Variants in WNK1 observed in about 807,000 individuals in gnomAD.
WNK1 encodes WNK lysine deficient protein kinase 1.
In WNK1, 38 loss-of-function variants were observed where a neutral mutation model predicts 222.8. That is an observed-to-expected ratio of 0.17 (90% CI 0.13 to 0.22). The LOEUF (loss-of-function observed/expected upper bound fraction) is 0.22. Ranked by LOEUF, WNK1 falls within the 10% of genes least tolerant of loss-of-function variation. The probability of loss-of-function intolerance (pLI) is 1.00; values close to 1 mark genes in which losing one functional copy is unlikely to be tolerated. For missense variants in WNK1, 2,348 were observed against 2,918.4 expected (o/e 0.80, Z 4.50); for synonymous variants, 1,090 against 1,092.9 (o/e 1.00, Z 0.05).
At chr12:793,298 T>C (rs1945013896) in intron 1 of WNK1, among the ~76,000 whole-genome samples, 1 of 152,166 alleles carries the variant, frequency 6.6e-6, no homozygotes. Context: ...GGAAGAACTT[T>C]ATAAAGTAGA....
chr12:848,298 A>G (rs537622702), intron 4 of WNK1, among the ~76,000 whole-genome samples: 33 of 152,292 alleles, frequency 2.2e-4, no homozygotes, highest in Non-Finnish European at 4.0e-4. Flanking sequence ...GTTAAATGTC[A>G]GATGCTTAAA....
At position 900,642 on chromosome 12, in the gene WNK1, A is replaced by G. The variant is rs774087446; in HGVS notation, c.6615A>G (p.Ser2205=). Residue 2205 remains serine (S), a synonymous_variant, in exon 26 of 28, where the codon TCA becomes TCG. Coordinates refer to ENST00000315939, the MANE Select transcript of WNK1 (RefSeq NM_018979.4). ...CCTTCACCAGTGATGGTGCCATTTC[A>G]GTACCAAGCCTTTCTGCTCCAGGTC... ...YSAFTSDGAI[S]VPSLSAPGQG... The G allele has an allele frequency of 1.9e-6, 3 of 1,614,222 alleles. No individual in the cohort carries two copies. Among genetic ancestry groups the G allele is most frequent in the South Asian group, 1.1e-5 (1 of 91,090 alleles).
chr12:770,034 C>T (rs935981038), intron 1 of WNK1, among the ~76,000 whole-genome samples: 4 of 151,258 alleles, frequency 2.6e-5, no homozygotes, highest in South Asian at 2.1e-4. Flanking sequence ...AGTGCAATGG[C>T]GTGATCTCAG....
chr12:802,435 A>T (rs1004510867), intron 1 of WNK1, among the ~76,000 whole-genome samples: 3 of 152,170 alleles, frequency 2.0e-5, no homozygotes, highest in Non-Finnish European at 4.4e-5. Context: ...AGGGAGTTTG[A>T]CTTCCACTTG....
At position 755,545 on chromosome 12, in the gene WNK1, T is replaced by C. The variant is rs375988968; in HGVS notation, c.759+1221T>C. 6.6e-5 allele frequency among the ~76,000 whole-genome samples: 10 copies of C among 152,308 alleles called. No homozygotes were observed. In the East Asian group the frequency reaches 1.5e-3, roughly 23 times the overall value. On this transcript the variant is annotated intron_variant, in intron 1 of 27. Transcript: ENST00000315939. ...ATTTCTTAACTTTTACAGTTAATGA[T>C]GTAGAACTTCTAAGGTAGTGTGAAA...
intron 1 of WNK1, among the ~76,000 whole-genome samples, chr12:772,433 G>A (rs3072708): frequency 4.9e-5 from 5 of 101,138 alleles, no homozygotes; most frequent in East Asian, 3.4e-4. Flanking sequence ...GTATGTATGT[G>A]TGTGTGTGTA....
chr12:891,608 T>C (rs1046875188), intron 22 of WNK1, among the ~76,000 whole-genome samples: 1 of 151,080 alleles, frequency 6.6e-6, no homozygotes, highest in Non-Finnish European at 1.5e-5. Flanking sequence ...TTTTCTTTTT[T>C]TTTTTTTTTT....
chr12:810,246 CA>C (rs71439362), intron 1 of WNK1, among the ~76,000 whole-genome samples: 126 of 139,738 alleles, frequency 9.0e-4, no homozygotes, highest in Middle Eastern at 3.6e-3. Context: ...GACTCCGTCT[CA>C]AAAAAAAAAA....
Position 896,700 on chromosome 12 carries a change from CTTAAAG to C in WNK1, c.6217_6222del (p.Lys2073_Leu2074del). On this transcript the variant is annotated inframe_deletion, in exon 24 of 28. Transcript: ENST00000315939. Reference sequence around the variant, plus strand: ...ATGAGTCAGATATCGAAGATGAAGACTTAAAGTTAGAGCTGCGACGACTACGAGATA... The same window carrying C: ...ATGAGTCAGATATCGAAGATGAAGACTTAGAGCTGCGACGACTACGAGATA... The C allele has an allele frequency of 6.2e-7, 1 of 1,609,334 alleles. No homozygotes were observed. The highest frequency in any genetic ancestry group is 8.5e-7 in the Non-Finnish European group (1 of 1,179,256).
Position 752,832 on chromosome 12 carries a change from C to G in WNK1, c.-734C>G, listed in dbSNP as rs1333205787. 2.0e-5 allele frequency: 3 copies of G among 152,226 alleles called. No individual in the cohort carries two copies. Among genetic ancestry groups the G allele is most frequent in the Non-Finnish European group, 4.4e-5 (3 of 68,058 alleles). The allele number at this position is 152,226 out of a possible 1,614,324, so 9.4% of individuals were successfully genotyped here. A position where few individuals can be genotyped will look rare whatever the true frequency, so the allele number is the denominator to read the frequency against. The stretch of plus-strand genomic sequence containing the variant: ...TCCTCCGTCAGCCCCCGGCACCGGC[C>G]CGGGAGGAGACGGGTTTGCCAGGCC... On this transcript the variant is annotated 5_prime_UTR_variant, in exon 1 of 28. Coordinates refer to ENST00000315939, the MANE Select transcript of WNK1 (RefSeq NM_018979.4).
chr12:757,503 C>A (rs1324037870), intron 1 of WNK1, among the ~76,000 whole-genome samples: 1 of 151,750 alleles, frequency 6.6e-6, no homozygotes, highest in African/African-American at 2.4e-5. Flanking sequence ...TTACAAGCAT[C>A]AATTCTTAGT....
chr12:800,933 C>A (rs1263036278), intron 1 of WNK1, among the ~76,000 whole-genome samples: 1 of 152,068 alleles, frequency 6.6e-6, no homozygotes. Flanking sequence ...CCTACAGATT[C>A]TTCGTTTTTA....
intron 26 of WNK1, among the ~76,000 whole-genome samples, chr12:905,905 C>T (rs201385914): frequency 6.6e-6 from 1 of 152,198 alleles, no homozygotes; most frequent in East Asian, 1.9e-4. Context: ...AGTTCCGTGT[C>T]TTGCCATAGC....
At chr12:840,442 T>TG in intron 4 of WNK1, among the ~76,000 whole-genome samples, 1 of 148,136 alleles carries the variant, frequency 6.8e-6, no homozygotes, top group Non-Finnish European at 1.5e-5. Flanking sequence ...GTTTTTATAT[T>TG]TTTTAATGTT....
chr12:881,961 C>A lies in WNK1; in HGVS notation c.3260C>A (p.Pro1087Gln), dbSNP rs144704075. 1 of 1,614,028 alleles carries A rather than the reference C, an allele frequency of 6.2e-7. No homozygotes were observed. Among genetic ancestry groups the A allele is most frequent in the Non-Finnish European group, 8.5e-7 (1 of 1,180,036 alleles). ...ATGAGTGATGGCAATGAGAACGTCC[C>A]ATCTTCCAGTGGAAGGCATGAAGGA... ...SGMSDGNENVPSSSGRHEGRT... is the reference protein window; with the variant it reads ...SGMSDGNENVQSSSGRHEGRT... The change falls in exon 14 of 28, where the codon CCA (proline) becomes CAA (glutamine). Residue 1087 changes from proline (P) to glutamine (Q), a missense_variant. Pro to Gln is a moderately conservative substitution (Grantham distance 76). Transcript: ENST00000315939.
At chr12:814,294 A>T (rs1267203383) in intron 2 of WNK1, among the ~76,000 whole-genome samples, 1 of 150,928 alleles carries the variant, frequency 6.6e-6, no homozygotes, top group African/African-American at 2.4e-5. Flanking sequence ...ACCTCACTTC[A>T]TTCCAGCCTA....
intron 26 of WNK1, chr12:906,675 A>T (rs1336774537): frequency 2.5e-5 from 25 of 985,076 alleles, no homozygotes; most frequent in Non-Finnish European, 3.0e-5. Flanking sequence ...TTGCAAATTC[A>T]TGTTTATGGG....
chr12:837,886 C>G (rs1470850214), intron 4 of WNK1, among the ~76,000 whole-genome samples: 2 of 152,188 alleles, frequency 1.3e-5, no homozygotes, highest in African/African-American at 2.4e-5. Context: ...ACATTCCCCC[C>G]ACTCCTGTGC....
At position 865,116 on chromosome 12, in the gene WNK1, C is replaced by T. The variant is rs140331977; in HGVS notation, c.2139+2846C>T. On this transcript the variant is annotated intron_variant, in intron 8 of 27. Coordinates refer to ENST00000315939, the MANE Select transcript of WNK1 (RefSeq NM_018979.4). ...GTGTTTGTTTTGTGTTGAGCCTCGT[C>T]GTGGCCGTAGCATGTCGGTTTGTGT... 130 of 1,514,502 alleles carry T rather than the reference C, an allele frequency of 8.6e-5. No homozygotes were observed. The highest frequency in any genetic ancestry group is 9.4e-5 in the Non-Finnish European group (107 of 1,134,134). 93.8% of individuals were successfully genotyped at this position (1,514,502 alleles called of 1,614,324 possible). A position where few individuals can be genotyped will look rare whatever the true frequency, so the allele number is the denominator to read the frequency against.
Sources: gnomAD v4.1 joint callset for allele counts (sites outside exome capture counted in the v4.1 genomes callset) on GRCh38, gnomAD v4.1.1 for gene constraint, MANE v1.5 for transcripts, NCBI Gene and HGNC (gene_info 2026-07-23, HGNC 2026-07-21) for gene names.